The following CTCF variants were observed in gnomAD, a reference collection of about 807,000 sequenced individuals.
CTCF encodes CCCTC-binding factor.
CTCF carries 7 observed loss-of-function variants against 72.3 expected under a neutral mutation model. The observed-to-expected ratio is 0.10, with a 90% confidence interval of 0.06 to 0.18. CTCF has a LOEUF of 0.18. CTCF is among the 10% of genes least tolerant of loss of function. The probability of loss-of-function intolerance (pLI) is 1.00; values close to 1 mark genes in which losing one functional copy is unlikely to be tolerated. For synonymous variants in CTCF, 374 were observed against 315.8 expected (o/e 1.18, Z -1.95); for missense variants, 516 against 949.1 (o/e 0.54, Z 6.00).
intron 7 of CTCF, among the ~76,000 whole-genome samples, chr16:67,622,079 G>A (rs993282900): frequency 5.3e-5 from 8 of 152,104 alleles, no homozygotes; most frequent in South Asian, 2.1e-4. Flanking sequence ...AGTGTAGGCC[G>A]GGCGCGGCAG....
chr16:67,587,201 A>G (rs1306459012), intron 2 of CTCF, among the ~76,000 whole-genome samples: 1 of 150,972 alleles, frequency 6.6e-6, no homozygotes, highest in East Asian at 1.9e-4. Flanking sequence ...GGCACAAGCA[A>G]TCCTCTTGCC....
intron 10 of CTCF, 26 bp from the exon 11 acceptor site, chr16:67,636,664 C>A: frequency 6.4e-7 from 1 of 1,568,754 alleles, no homozygotes; most frequent in Non-Finnish European, 8.7e-7. Flanking sequence ...TGCCCCACCA[C>A]CTGTGCTTCC....
intron 10 of CTCF, among the ~76,000 whole-genome samples, chr16:67,633,752 AAAG>A (rs1238512152): frequency 6.6e-6 from 1 of 151,506 alleles, no homozygotes; most frequent in Non-Finnish European, 1.5e-5. Context: ...CCTCAAAAAA[AAAG>A]AAAAAGAATT....
At chr16:67,563,959 G>T (rs2051311623) in intron 1 of CTCF, 2 of 152,314 alleles carry the variant, frequency 1.3e-5, no homozygotes, top group Admixed American at 6.5e-5. Context: ...TGTTGTAATT[G>T]AATCCTGGGT....
At chr16:67,636,146 C>T (rs2052424843) in intron 10 of CTCF, among the ~76,000 whole-genome samples, 1 of 152,098 alleles carries the variant, frequency 6.6e-6, no homozygotes, top group Non-Finnish European at 1.5e-5. Context: ...GAGGCCGAGG[C>T]AGGTGGATCA....
At chr16:67,579,486 G>A (rs2051550658) in intron 2 of CTCF, among the ~76,000 whole-genome samples, 1 of 151,830 alleles carries the variant, frequency 6.6e-6, no homozygotes, top group South Asian at 2.1e-4. Context: ...AGCCTCCCGA[G>A]TAGCTGGGAT....
At chr16:67,607,059 C>G (rs772475665) in intron 2 of CTCF, among the ~76,000 whole-genome samples, 1 of 150,988 alleles carries the variant, frequency 6.6e-6, no homozygotes, top group Non-Finnish European at 1.5e-5. Flanking sequence ...CAGGTTCAAG[C>G]AATTCTTCTG....
At chr16:67,633,298 T>C (rs184482649) in intron 10 of CTCF, among the ~76,000 whole-genome samples, 183 of 152,304 alleles carry the variant, frequency 1.2e-3, no homozygotes, top group Non-Finnish European at 2.1e-3. Flanking sequence ...TTACAGAAAT[T>C]ACTCAGGGAA....
At chr16:67,582,514 G>A (rs1186040453) in intron 2 of CTCF, among the ~76,000 whole-genome samples, 1 of 152,014 alleles carries the variant, frequency 6.6e-6, no homozygotes, top group Admixed American at 6.6e-5. Flanking sequence ...GCGACATGAT[G>A]AAACTCGGTC....
chr16:67,572,523 G>A (rs2051436840), intron 2 of CTCF: 1 of 152,190 alleles, frequency 6.6e-6, no homozygotes, highest in Non-Finnish European at 1.5e-5. Context: ...GGAGTCACAA[G>A]AAAGATAAAC....
intron 7 of CTCF, among the ~76,000 whole-genome samples, chr16:67,625,747 C>T (rs2052275285): frequency 6.6e-6 from 1 of 152,050 alleles, no homozygotes; most frequent in African/African-American, 2.4e-5. Context: ...TTTTATATCT[C>T]TGGCATTTCA....
At chr16:67,614,168 G>A (rs1340118290) in intron 4 of CTCF, among the ~76,000 whole-genome samples, 1 of 151,818 alleles carries the variant, frequency 6.6e-6, no homozygotes, top group African/African-American at 2.4e-5. Context: ...CTAACATGAC[G>A]AAACCTCGTC....
intron 2 of CTCF, among the ~76,000 whole-genome samples, chr16:67,592,729 T>TC (rs2051761894): frequency 6.7e-6 from 1 of 148,596 alleles, no homozygotes; most frequent in Non-Finnish European, 1.5e-5. Context: ...CAAAAAAAGA[T>TC]ACTTACAGAG....
chr16:67,609,438 A>G (rs934774229), intron 2 of CTCF, among the ~76,000 whole-genome samples: 1 of 152,174 alleles, frequency 6.6e-6, no homozygotes, highest in East Asian at 1.9e-4. Context: ...ATTCTTTAAT[A>G]TCATCAGATA....
At chr16:67,607,785 C>T (rs535100081) in intron 2 of CTCF, among the ~76,000 whole-genome samples, 6 of 150,876 alleles carry the variant, frequency 4.0e-5, no homozygotes, top group East Asian at 2.0e-4. Flanking sequence ...TTTGGGAGGC[C>T]GAGGCGGACA....
intron 2 of CTCF, among the ~76,000 whole-genome samples, chr16:67,593,168 GTTCTC>G (rs1482382818): frequency 1.3e-5 from 2 of 151,466 alleles, no homozygotes; most frequent in East Asian, 3.9e-4. Context: ...GGTATCTTCT[GTTCTC>G]TTAAAATTTT....
intron 7 of CTCF, among the ~76,000 whole-genome samples, chr16:67,625,096 TG>T (rs1371088983): frequency 1.3e-5 from 2 of 152,082 alleles, no homozygotes; most frequent in African/African-American, 4.8e-5. Flanking sequence ...AGCTAATTTT[TG>T]TATTTTTCAG....
At chr16:67,576,376 G>A (rs1308634298) in intron 2 of CTCF, among the ~76,000 whole-genome samples, 2 of 151,890 alleles carry the variant, frequency 1.3e-5, no homozygotes, top group Admixed American at 1.3e-4. Flanking sequence ...AGTAGTGTGA[G>A]GGTAGTTTGG....
intron 2 of CTCF, among the ~76,000 whole-genome samples, chr16:67,601,031 C>T (rs1004098060): frequency 6.6e-6 from 1 of 151,978 alleles, no homozygotes; most frequent in African/African-American, 2.4e-5. Context: ...TATTTGAAAG[C>T]AGTAAAGAAA....
Sources: allele counts gnomAD v4.1 joint callset (sites outside exome capture counted in the v4.1 genomes callset), GRCh38; gene constraint gnomAD v4.1.1; transcripts MANE v1.5; gene names NCBI Gene and HGNC (gene_info 2026-07-23, HGNC 2026-07-21).